The following KCTD16 variants were observed in gnomAD, a reference collection of about 807,000 sequenced individuals.
KCTD16 encodes BTB/POZ domain-containing protein KCTD16.
Under a neutral mutation model 33.2 loss-of-function variants are expected in KCTD16, and 13 were observed. The observed-to-expected ratio is 0.39, with a 90% confidence interval of 0.25 to 0.62. The LOEUF (loss-of-function observed/expected upper bound fraction) is 0.62, where lower values mean the gene tolerates loss of function less well. KCTD16 is among the 20% of genes least tolerant of loss of function. KCTD16 has a pLI of 0.50. For missense variants in KCTD16, 441 were observed against 525.1 expected (o/e 0.84, Z 1.57); for synonymous variants, 197 against 195.3 (o/e 1.01, Z -0.07).
intron 3 of KCTD16, among the ~76,000 whole-genome samples, chr5:144,224,366 T>C (rs1358859288): frequency 6.7e-6 from 1 of 148,678 alleles, no homozygotes; most frequent in Admixed American, 6.9e-5. Flanking sequence ...ATTATTTTTA[T>C]TGGATCAATA....
Position 144,192,040 on chromosome 5 carries a change from GT to G in KCTD16, c.-326-14348del, listed in dbSNP as rs571628739. On this transcript the variant is annotated intron_variant, in intron 2 of 3. Coordinates refer to ENST00000512467, the MANE Select transcript of KCTD16 (RefSeq NM_020768.4). ...TCAGTTTCTTATAGGGCTTGGCAGG[GT>G]ATGTCAAGTTGGTGGACCAAAGGGG... 3.6e-3 allele frequency among the ~76,000 whole-genome samples: 550 copies of G among 152,248 alleles called. 2 individuals are homozygous for G. Among genetic ancestry groups the G allele is most frequent in the African/African-American group, 0.013 (533 of 41,554 alleles).
intron 3 of KCTD16, among the ~76,000 whole-genome samples, chr5:144,394,706 A>T (rs1239393328): frequency 6.6e-6 from 1 of 152,170 alleles, no homozygotes; most frequent in African/African-American, 2.4e-5. Flanking sequence ...ATGGTTTTGT[A>T]AGAATCTGGC....
intron 3 of KCTD16, among the ~76,000 whole-genome samples, chr5:144,361,851 C>T (rs1310885364): frequency 6.6e-6 from 1 of 150,530 alleles, no homozygotes; most frequent in African/African-American, 2.5e-5. Flanking sequence ...AAGTCTGGTC[C>T]CAAGAGAGTC....
intron 3 of KCTD16, among the ~76,000 whole-genome samples, chr5:144,361,284 G>A (rs909997879): frequency 2.0e-5 from 3 of 152,124 alleles, no homozygotes; most frequent in Non-Finnish European, 4.4e-5. Flanking sequence ...TGTATACCTA[G>A]TAATGGGATT....
intron 3 of KCTD16, among the ~76,000 whole-genome samples, chr5:144,469,878 A>C (rs1754431075): frequency 6.6e-6 from 1 of 151,508 alleles, no homozygotes; most frequent in Non-Finnish European, 1.5e-5. Context: ...TTCAGCAATG[A>C]CTTATTAAAA....
intron 3 of KCTD16, among the ~76,000 whole-genome samples, chr5:144,368,091 G>T (rs1406150666): frequency 6.6e-6 from 1 of 151,994 alleles, no homozygotes; most frequent in Non-Finnish European, 1.5e-5. Context: ...TAAGTAAGTT[G>T]CACTCCCTTG....
chr5:144,378,434 C>T (rs1752140368), intron 3 of KCTD16, among the ~76,000 whole-genome samples: 2 of 152,092 alleles, frequency 1.3e-5, no homozygotes, highest in South Asian at 4.1e-4. Flanking sequence ...TCTAAAGATG[C>T]TAGATCATAT....
chr5:144,466,813 A>G (rs1023617211), intron 3 of KCTD16, among the ~76,000 whole-genome samples: 1 of 151,318 alleles, frequency 6.6e-6, no homozygotes, highest in African/African-American at 2.4e-5. Context: ...CAAATTCACC[A>G]TTCACTAATA....
At chr5:144,360,947 A>G (rs1751698399) in intron 3 of KCTD16, among the ~76,000 whole-genome samples, 1 of 151,574 alleles carries the variant, frequency 6.6e-6, no homozygotes, top group African/African-American at 2.4e-5. Context: ...GTACATGTGC[A>G]CAATGTGCAG....
intron 3 of KCTD16, among the ~76,000 whole-genome samples, chr5:144,398,273 T>C (rs1447756132): frequency 6.6e-6 from 1 of 152,204 alleles, no homozygotes; most frequent in East Asian, 1.9e-4. Context: ...TTCACTACTA[T>C]TTTTCATATT....
intron 3 of KCTD16, among the ~76,000 whole-genome samples, chr5:144,403,639 C>G (rs1477569681): frequency 6.6e-6 from 1 of 152,166 alleles, no homozygotes; most frequent in Non-Finnish European, 1.5e-5. Context: ...TTGTCTTAAG[C>G]CACCAGTTTA....
At chr5:144,176,434 C>G (rs1206670232) in intron 2 of KCTD16, among the ~76,000 whole-genome samples, 1 of 123,824 alleles carries the variant, frequency 8.1e-6, no homozygotes, top group African/African-American at 2.9e-5. Flanking sequence ...CTCGCTCTGT[C>G]GCCCAGGCCG....
At chr5:144,264,367 T>C (rs1430552384) in intron 3 of KCTD16, among the ~76,000 whole-genome samples, 1 of 152,166 alleles carries the variant, frequency 6.6e-6, no homozygotes, top group Non-Finnish European at 1.5e-5. Context: ...CTTCTAGAAA[T>C]GTAAGGATTT....
chr5:144,442,332 G>C (rs935511825), intron 3 of KCTD16, among the ~76,000 whole-genome samples: 9 of 152,056 alleles, frequency 5.9e-5, no homozygotes, highest in African/African-American at 2.2e-4. Flanking sequence ...ATGCTTCCTA[G>C]CACATGCCAC....
At chr5:144,228,958 C>G (rs994977023) in intron 3 of KCTD16, among the ~76,000 whole-genome samples, 1 of 152,092 alleles carries the variant, frequency 6.6e-6, no homozygotes, top group African/African-American at 2.4e-5. Context: ...GAGAGAAGAC[C>G]ATATAAAATA....
intron 2 of KCTD16, among the ~76,000 whole-genome samples, chr5:144,184,090 TTTATTA>T (rs993617576): frequency 6.6e-6 from 1 of 152,224 alleles, no homozygotes; most frequent in African/African-American, 2.4e-5. Flanking sequence ...TCAATTTTTA[TTTATTA>T]TTAACTTGGT....
intron 3 of KCTD16, among the ~76,000 whole-genome samples, chr5:144,379,839 A>T (rs1436888064): frequency 6.6e-6 from 1 of 152,184 alleles, no homozygotes; most frequent in African/African-American, 2.4e-5. Context: ...TATTTATAAA[A>T]GTTATATTCA....
At chr5:144,232,200 A>G (rs1488119927) in intron 3 of KCTD16, among the ~76,000 whole-genome samples, 3 of 152,214 alleles carry the variant, frequency 2.0e-5, no homozygotes, top group Non-Finnish European at 2.9e-5. Flanking sequence ...TGTTCCTGCT[A>G]CTTGATGGTT....
chr5:144,239,883 C>T (rs959553952), intron 3 of KCTD16, among the ~76,000 whole-genome samples: 7 of 152,044 alleles, frequency 4.6e-5, no homozygotes, highest in Admixed American at 3.9e-4. Flanking sequence ...AATTATTAAT[C>T]TCTACAAGTG....
Sources: gnomAD v4.1 joint callset for allele counts (sites outside exome capture counted in the v4.1 genomes callset) on GRCh38, gnomAD v4.1.1 for gene constraint, MANE v1.5 for transcripts, NCBI Gene and HGNC (gene_info 2026-07-23, HGNC 2026-07-21) for gene names.